RAPGEF5: variants seen among roughly 807,000 people sequenced by gnomAD.
RAPGEF5 encodes Rap guanine nucleotide exchange factor 5.
Under a neutral mutation model 125.2 loss-of-function variants are expected in RAPGEF5, and 65 were observed. That is an observed-to-expected ratio of 0.52 (90% CI 0.43 to 0.64). The LOEUF (loss-of-function observed/expected upper bound fraction) is 0.64, where lower values mean the gene tolerates loss of function less well. Ranked by LOEUF, RAPGEF5 falls within the 30% of genes least tolerant of loss-of-function variation. RAPGEF5 has a pLI of 0.00. For missense variants in RAPGEF5, 958 were observed against 1,048.1 expected, an observed-to-expected ratio of 0.91 and a Z score of 1.19; for synonymous variants, 391 against 385.9, an observed-to-expected ratio of 1.01 and a Z score of -0.16.
At chr7:22,212,669 A>C (rs937761933) in intron 9 of RAPGEF5, among the ~76,000 whole-genome samples, 1 of 152,200 alleles carries the variant, frequency 6.6e-6, no homozygotes, top group East Asian at 1.9e-4. Flanking sequence ...TTTTGTCTTA[A>C]AACATTCATT....
In RAPGEF5 at chr7:22,334,359, T is replaced by C. The variant is rs548399333; in HGVS notation, c.232-16322A>G. On this transcript the variant is annotated intron_variant, in intron 1 of 25. Transcript: ENST00000665637. ...AGAAAAAAAATGAATACACTATTCC[T>C]AAGGGCAGCAGTGTAAAACTAAAGC... is the stretch of plus-strand genomic sequence containing the variant. Among the ~76,000 whole-genome samples the C allele has an allele frequency of 5.9e-5, 9 of 152,344 alleles. No individual in the cohort carries two copies. In the South Asian group the frequency reaches 1.7e-3, roughly 28 times the overall value.
chr7:22,320,820 G>T (rs1783700670), intron 1 of RAPGEF5, among the ~76,000 whole-genome samples: 1 of 152,098 alleles, frequency 6.6e-6, no homozygotes, highest in Non-Finnish European at 1.5e-5. Context: ...AAACCCATTT[G>T]CCAGAAGGCA....
intron 5 of RAPGEF5, among the ~76,000 whole-genome samples, chr7:22,294,633 C>T (rs1382392049): frequency 1.3e-5 from 2 of 152,192 alleles, no homozygotes; most frequent in Admixed American, 6.5e-5. Context: ...CTCCATCCTT[C>T]CAACTGGAAG....
chr7:22,272,079 C>T (rs1381524143), intron 6 of RAPGEF5, among the ~76,000 whole-genome samples: 2 of 151,968 alleles, frequency 1.3e-5, no homozygotes, highest in African/African-American at 2.4e-5. Flanking sequence ...CGCGGTGGCT[C>T]ATGCCTGCAA....
chr7:22,291,629 G>A (rs1782937662), intron 5 of RAPGEF5, among the ~76,000 whole-genome samples: 2 of 152,190 alleles, frequency 1.3e-5, no homozygotes, highest in South Asian at 4.1e-4. Flanking sequence ...TTGAAAATAT[G>A]AAATGTGAAC....
At chr7:22,140,200 C>A in intron 20 of RAPGEF5, 85 bp from the exon 21 acceptor site, 2 of 1,252,756 alleles carry the variant, frequency 1.6e-6, no homozygotes, top group Non-Finnish European at 2.3e-6. Flanking sequence ...AAAAGACCCT[C>A]CTAGGCCACA....
Position 22,356,915 on chromosome 7 carries a change from G to T in RAPGEF5, c.146C>A (p.Ser49Ter). 1 of 1,097,072 alleles carries T rather than the reference G, an allele frequency of 9.1e-7. No individual in the cohort carries two copies. The highest frequency in any genetic ancestry group is 4.3e-5 in the South Asian group (1 of 23,138). The allele number at this position is 1,097,072 out of a possible 1,614,324, so 68.0% of individuals were successfully genotyped here. The change falls in exon 1 of 26, where the codon TCG (serine) becomes TAG (stop). Residue 49 changes from serine to a stop codon, truncating the protein, a stop_gained. Coordinates refer to ENST00000665637, the MANE Select transcript of RAPGEF5 (RefSeq NM_012294.5). LOFTEE classifies it high-confidence loss of function. ...CAGGTCCCTCAGCCGCGGCCGCAGC[G>T]ACGCCGGCGGCTGCTCGCGCTCGGG... ...REPEREQPPA[S>*]LRPRLRDLPA... is the part of the protein sequence containing the mutation.
chr7:22,295,748 A>C (rs1411813335), intron 5 of RAPGEF5, among the ~76,000 whole-genome samples: 4 of 152,178 alleles, frequency 2.6e-5, no homozygotes, highest in African/African-American at 4.8e-5. Context: ...CCATCACAAA[A>C]ATTTTTTGAA....
Position 22,120,458 on chromosome 7 carries a change from C to T in RAPGEF5, c.*1948G>A, listed in dbSNP as rs774358062. 2.4e-4 allele frequency: 37 copies of T among 152,638 alleles called. 1 individual carries two copies. The highest frequency in any genetic ancestry group is 2.4e-3 in the Admixed American group (36 of 15,274). 9.5% of individuals were successfully genotyped at this position (152,638 alleles called of 1,614,324 possible). A position where few individuals can be genotyped will look rare whatever the true frequency, so the allele number is the denominator to read the frequency against. Reference sequence around the variant, plus strand: ...AAATTTTGAAACACAGAAACAATGTCAGGATGGCCTTATATGATTACACTG... The same window carrying T: ...AAATTTTGAAACACAGAAACAATGTTAGGATGGCCTTATATGATTACACTG... On this transcript the variant is annotated 3_prime_UTR_variant, in exon 26 of 26. Coordinates refer to ENST00000665637, the MANE Select transcript of RAPGEF5 (RefSeq NM_012294.5). This position sits in a 1 kb window ranked among gnomAD's most constrained non-coding sequence, Gnocchi z 4.0.
chr7:22,334,263 GGAAAGA>G (rs1231314697), intron 1 of RAPGEF5, among the ~76,000 whole-genome samples: 4 of 143,578 alleles, frequency 2.8e-5, no homozygotes, highest in Non-Finnish European at 3.1e-5. Flanking sequence ...AACAATAGGA[GGAAAGA>G]GAAAGAGAAG....
chr7:22,252,245 G>A (rs1011121076), intron 7 of RAPGEF5, among the ~76,000 whole-genome samples: 11 of 152,220 alleles, frequency 7.2e-5, no homozygotes, highest in Non-Finnish European at 1.5e-4. Context: ...AGACCAGACA[G>A]TAACCTGCTC....
chr7:22,320,403 G>A (rs945620166), intron 1 of RAPGEF5, among the ~76,000 whole-genome samples: 10 of 152,110 alleles, frequency 6.6e-5, no homozygotes, highest in African/African-American at 2.4e-4. Flanking sequence ...AAAAGAACAT[G>A]GGGAATATTC....
rs1252893591 is a variant in RAPGEF5 at position 22,234,618 on chromosome 7, T to C, written c.797-3699A>G. Among the ~76,000 whole-genome samples the C allele has an allele frequency of 5.3e-5, 8 of 152,162 alleles. No homozygotes were observed. The East Asian group carries it at 1.3e-3, about 26-fold the overall frequency. On this transcript the variant is annotated intron_variant, in intron 7 of 25. Coordinates refer to ENST00000665637, the MANE Select transcript of RAPGEF5 (RefSeq NM_012294.5). ...TTAGTGCCCACAGGAGAACTAAGCA[T>C]GTATGTGGATTAATTAACAGATTCG...
intron 20 of RAPGEF5, among the ~76,000 whole-genome samples, chr7:22,140,525 CCCACAGGT>C (rs1783223930): frequency 6.6e-6 from 1 of 152,110 alleles, no homozygotes; most frequent in Non-Finnish European, 1.5e-5. Flanking sequence ...CCCTTCTCAC[CCCACAGGT>C]CTAAGCTCCC....
intron 12 of RAPGEF5, among the ~76,000 whole-genome samples, chr7:22,164,952 A>G (rs1784116209): frequency 6.6e-6 from 1 of 152,168 alleles, no homozygotes; most frequent in South Asian, 2.1e-4. Flanking sequence ...AATTTAGACC[A>G]CTTCTAAGAC....
At chr7:22,352,784 C>T (rs1220782832) in intron 1 of RAPGEF5, among the ~76,000 whole-genome samples, 1 of 152,084 alleles carries the variant, frequency 6.6e-6, no homozygotes, top group African/African-American at 2.4e-5. Context: ...TTTCAGGAGA[C>T]CTAAATAATT....
intron 21 of RAPGEF5, among the ~76,000 whole-genome samples, chr7:22,139,511 C>T (rs1783188040): frequency 6.6e-6 from 1 of 152,248 alleles, no homozygotes; most frequent in Non-Finnish European, 1.5e-5. Context: ...TGGGCCTCTG[C>T]ATCTCAGAAC....
At chr7:22,188,046 T>TA in intron 11 of RAPGEF5, among the ~76,000 whole-genome samples, 1 of 152,342 alleles carries the variant, frequency 6.6e-6, no homozygotes, top group African/African-American at 2.4e-5. Flanking sequence ...TACATGACCT[T>TA]ACAGAAATAA....
chr7:22,126,465 G>A (rs1164485117), intron 24 of RAPGEF5, among the ~76,000 whole-genome samples: 1 of 152,202 alleles, frequency 6.6e-6, no homozygotes, highest in African/African-American at 2.4e-5. Flanking sequence ...GGCTTTGGAT[G>A]TGCAGAGCCT....
Sources: gnomAD v4.1 joint callset for allele counts (sites outside exome capture counted in the v4.1 genomes callset) on GRCh38, gnomAD v4.1.1 for gene constraint, Gnocchi (gnomAD v3.1) non-coding constraint, MANE v1.5 for transcripts, NCBI Gene and HGNC (gene_info 2026-07-23, HGNC 2026-07-21) for gene names.